FSIP1: variants seen among roughly 807,000 people sequenced by gnomAD.
FSIP1 encodes the protein fibrous sheath interacting protein 1, also known as fibrous sheath-interacting protein 1.
FSIP1 carries 65 observed loss-of-function variants against 60.9 expected under a neutral mutation model. The observed-to-expected ratio is 1.07, with a 90% CI of 0.87 to 1.31. The LOEUF (loss-of-function observed/expected upper bound fraction) is 1.31, where lower values mean the gene tolerates loss of function less well. FSIP1 is among the 40% of genes most tolerant of loss of function. FSIP1 has a pLI of 0.00. For synonymous variants in FSIP1, 209 were observed against 221.2 expected (o/e 0.94, Z 0.49); for missense variants, 675 against 665.5 (o/e 1.01, Z -0.16).
intron 10 of FSIP1, among the ~76,000 whole-genome samples, chr15:39,676,406 C>T (rs1202761386): frequency 6.6e-6 from 1 of 152,152 alleles, no homozygotes; most frequent in Non-Finnish European, 1.5e-5. Context: ...AAGGAAATCT[C>T]TTTAGCTCCT....
At chr15:39,763,947 GA>G in intron 4 of FSIP1, 33 bp from the exon 5 acceptor site, 1 of 1,122,010 alleles carries the variant, frequency 8.9e-7, no homozygotes, top group Non-Finnish European at 1.3e-6. Context: ...TTAAACATGG[GA>G]AAAGAAGGCA....
intron 6 of FSIP1, among the ~76,000 whole-genome samples, chr15:39,740,350 A>G (rs1216896406): frequency 6.6e-6 from 1 of 152,198 alleles, no homozygotes; most frequent in Non-Finnish European, 1.5e-5. Flanking sequence ...AACCTTTTGG[A>G]AGAGGCTTGA....
chr15:39,631,947 T>C (rs1595552759), intron 10 of FSIP1, among the ~76,000 whole-genome samples: 1 of 152,210 alleles, frequency 6.6e-6, no homozygotes, highest in East Asian at 1.9e-4. Flanking sequence ...TCATGTCATG[T>C]TAATATTTTC....
At chr15:39,632,080 T>C (rs944507957) in intron 10 of FSIP1, among the ~76,000 whole-genome samples, 4 of 152,228 alleles carry the variant, frequency 2.6e-5, no homozygotes, top group Admixed American at 2.6e-4. Context: ...AGATGTTCAA[T>C]GTGGTGGTTG....
At chr15:39,712,514 C>T (rs1281416998) in intron 10 of FSIP1, among the ~76,000 whole-genome samples, 1 of 152,116 alleles carries the variant, frequency 6.6e-6, no homozygotes. Flanking sequence ...AAGAATATGG[C>T]AACAAACTAG....
intron 11 of FSIP1, among the ~76,000 whole-genome samples, chr15:39,607,107 G>C (rs995414994): frequency 6.6e-6 from 1 of 152,194 alleles, no homozygotes; most frequent in African/African-American, 2.4e-5. Flanking sequence ...TCCGTGGGAA[G>C]CTAAGTTTGG....
chr15:39,610,269 C>G (rs1043853484), intron 11 of FSIP1, among the ~76,000 whole-genome samples: 3 of 152,084 alleles, frequency 2.0e-5, no homozygotes, highest in Non-Finnish European at 4.4e-5. Context: ...GAAAATATGG[C>G]TGAAAGTTTC....
chr15:39,646,520 C>CAAAAA (rs71132108), intron 10 of FSIP1, among the ~76,000 whole-genome samples: 280 of 27,106 alleles, frequency 0.01, 87 homozygotes, highest in African/African-American at 0.026. Flanking sequence ...CTCATCTCTA[C>CAAAAA]AAAAAAAAAA....
chr15:39,692,996 T>C (rs1194523518), intron 10 of FSIP1, among the ~76,000 whole-genome samples: 1 of 152,212 alleles, frequency 6.6e-6, no homozygotes, highest in Non-Finnish European at 1.5e-5. Context: ...GCTTAATTTA[T>C]ATGGTAATTA....
chr15:39,748,829 C>T (rs1298967220), intron 5 of FSIP1, among the ~76,000 whole-genome samples: 1 of 151,530 alleles, frequency 6.6e-6, no homozygotes, highest in African/African-American at 2.4e-5. Flanking sequence ...AGAAATAAAT[C>T]AAATAGAGGA....
intron 2 of FSIP1, among the ~76,000 whole-genome samples, chr15:39,772,684 G>A (rs1897929822): frequency 6.6e-6 from 1 of 151,636 alleles, no homozygotes; most frequent in African/African-American, 2.4e-5. Flanking sequence ...TCCATCTCCC[G>A]GGTTCAAGCA....
At chr15:39,688,083 C>A (rs1894454832) in intron 10 of FSIP1, among the ~76,000 whole-genome samples, 1 of 152,174 alleles carries the variant, frequency 6.6e-6, no homozygotes, top group Admixed American at 6.6e-5. Context: ...TAGGTAATCT[C>A]TCTGAATACA....
At chr15:39,677,897 G>A (rs1432240451) in intron 10 of FSIP1, among the ~76,000 whole-genome samples, 1 of 151,934 alleles carries the variant, frequency 6.6e-6, no homozygotes. Flanking sequence ...TCGGGAGGCT[G>A]AGGCAGGAGA....
chr15:39,615,556 G>A (rs762233981), intron 11 of FSIP1, among the ~76,000 whole-genome samples: 5 of 151,862 alleles, frequency 3.3e-5, no homozygotes, highest in South Asian at 2.1e-4. Context: ...AAATCAAAAC[G>A]AGATGCTACA....
chr15:39,626,013 T>G (rs1165732244), intron 10 of FSIP1, among the ~76,000 whole-genome samples: 2 of 152,090 alleles, frequency 1.3e-5, no homozygotes, highest in Admixed American at 6.5e-5. Flanking sequence ...AGAGATAAGT[T>G]GGGTCAAGGA....
At chr15:39,708,431 A>G (rs1023883854) in intron 10 of FSIP1, among the ~76,000 whole-genome samples, 1 of 152,180 alleles carries the variant, frequency 6.6e-6, no homozygotes, top group Admixed American at 6.5e-5. Flanking sequence ...TTCTTCCTCA[A>G]TATTTACCAG....
intron 9 of FSIP1, among the ~76,000 whole-genome samples, chr15:39,720,100 G>A (rs2140572453): frequency 6.6e-6 from 1 of 152,250 alleles, no homozygotes; most frequent in East Asian, 1.9e-4. Flanking sequence ...AGTACATTTG[G>A]GGTCAAGTAG....
chr15:39,664,528 A>T (rs551466594), intron 10 of FSIP1, among the ~76,000 whole-genome samples: 40 of 152,250 alleles, frequency 2.6e-4, no homozygotes, highest in African/African-American at 9.4e-4. Flanking sequence ...TCACATAAGC[A>T]AGCGAATGTA....
Position 39,618,202 on chromosome 15 carries a change from A to G in FSIP1, c.1232T>C (p.Leu411Pro). 1 of 1,613,166 alleles carries G rather than the reference A, an allele frequency of 6.2e-7. No individual in the cohort carries two copies. Residue 411 changes from leucine (L) to proline (P), a missense_variant, in exon 11 of 12, where the codon CTT (leucine) becomes CCT (proline). Physicochemically the swap from Leu to Pro is moderately conservative, Grantham distance 98 (BLOSUM62 -3). Transcript: ENST00000350221. ...TTGTTTAAGTATGCATTCATCCAGAAGACACTTTAACTGTTCTTCAGAGAG... is the reference window on the plus strand; with the variant it reads ...TTGTTTAAGTATGCATTCATCCAGAGGACACTTTAACTGTTCTTCAGAGAG... ...SCLSEEQLKC[L>P]LDECILKQKS... is the part of the protein sequence containing the mutation.
Sources: allele counts gnomAD v4.1 joint callset (sites outside exome capture counted in the v4.1 genomes callset), GRCh38; gene constraint gnomAD v4.1.1; transcripts MANE v1.5; gene names NCBI Gene and HGNC (gene_info 2026-07-23, HGNC 2026-07-21).